Variants in CFH observed in about 807,000 individuals in gnomAD.
CFH encodes the protein complement factor H.
A neutral mutation model predicts 147.3 loss-of-function variants in CFH; 53 were observed. The ratio of observed to expected loss-of-function variants is 0.36; its 90% CI spans 0.29 to 0.45. The LOEUF is 0.45. Ranked by LOEUF, CFH falls within the 20% of genes least tolerant of loss-of-function variation. The pLI is 1.00. For missense variants in CFH, 1,380 were observed against 1,498.0 expected (o/e 0.92, Z 1.30); for synonymous variants, 536 against 489.4 (o/e 1.10, Z -1.26).
intron 9 of CFH, among the ~76,000 whole-genome samples, chr1:196,705,176 A>G (rs1408748694): frequency 6.7e-6 from 1 of 148,640 alleles, no homozygotes; most frequent in Non-Finnish European, 1.5e-5. Context: ...TGGCAAATTG[A>G]CCAGAATATT....
intron 1 of CFH, among the ~76,000 whole-genome samples, chr1:196,658,744 A>AT (rs1558148818): frequency 1.3e-5 from 2 of 151,596 alleles, no homozygotes; most frequent in Admixed American, 1.3e-4. Context: ...AATTTTTAAA[A>AT]TTTTTTGTAG....
chr1:196,681,104 C>T (rs1483993710), intron 6 of CFH, among the ~76,000 whole-genome samples: 1 of 151,756 alleles, frequency 6.6e-6, no homozygotes, highest in African/African-American at 2.4e-5. Context: ...TATATTATTT[C>T]CAGAGCCCCT....
intron 9 of CFH, among the ~76,000 whole-genome samples, chr1:196,701,891 C>T (rs1434673650): frequency 1.3e-5 from 2 of 152,082 alleles, no homozygotes; most frequent in Non-Finnish European, 2.9e-5. Flanking sequence ...ATGGCTTAAC[C>T]TTAATACCCA....
At chr1:196,710,384 A>G (rs1422613594) in intron 9 of CFH, among the ~76,000 whole-genome samples, 1 of 152,180 alleles carries the variant, frequency 6.6e-6, no homozygotes, top group Non-Finnish European at 1.5e-5. Flanking sequence ...ATAACAAAAT[A>G]GAATAGAAGC....
At position 196,679,473 on chromosome 1, in the gene CFH, A is replaced by T. The variant is rs541518410; in HGVS notation, c.620-150A>T. On this transcript the variant is annotated intron_variant, in intron 5 of 21. Transcript: ENST00000367429. ...AATTTTAACTTTCTTCAGATAAATC[A>T]TTTATTAAGCGGTCAAGTCAAAACA... 798 of 554,526 alleles carry T rather than the reference A, an allele frequency of 1.4e-3. 1 individual carries two copies. The highest frequency in any genetic ancestry group is 2.5e-3 in the Middle Eastern group (5 of 2,034). 34.4% of individuals were successfully genotyped at this position (554,526 alleles called of 1,614,324 possible). A position where few individuals can be genotyped will look rare whatever the true frequency, so the allele number is the denominator to read the frequency against.
At chr1:196,727,015 AT>A in intron 14 of CFH, 75 bp downstream of exon 14, 1 of 1,377,814 alleles carries the variant, frequency 7.3e-7, no homozygotes, top group Non-Finnish European at 1.0e-6. Context: ...TTGCAACTAT[AT>A]TTTTGAAATT....
chr1:196,673,540 G>T, intron 2 of CFH: 1 of 379,724 alleles, frequency 2.6e-6, no homozygotes, highest in Non-Finnish European at 4.9e-6. Context: ...TTTCACCAAT[G>T]CTGGGCAGGC....
chr1:196,680,476 C>A (rs1331517853), intron 6 of CFH, among the ~76,000 whole-genome samples: 1 of 151,740 alleles, frequency 6.6e-6, no homozygotes, highest in Non-Finnish European at 1.5e-5. Flanking sequence ...ACTATCATGG[C>A]CAAGAAGAGA....
intron 7 of CFH, among the ~76,000 whole-genome samples, chr1:196,688,568 T>C (rs1667905867): frequency 6.6e-6 from 1 of 152,136 alleles, no homozygotes; most frequent in Non-Finnish European, 1.5e-5. Context: ...TCTATATTTT[T>C]ACGTTGTCTG....
At position 196,743,526 on chromosome 1, in the gene CFH, G is replaced by T; in HGVS notation, c.3208G>T (p.Gly1070Cys). 1 of 1,614,020 alleles carries T rather than the reference G, an allele frequency of 6.2e-7. No individual in the cohort carries two copies. Among genetic ancestry groups the T allele is most frequent in the Non-Finnish European group, 8.5e-7 (1 of 1,179,936 alleles). Residue 1070 changes from glycine to cysteine, a missense_variant, in exon 20 of 22, where the codon GGT becomes TGT. By Grantham distance (159) the Gly-to-Cys change is radical. Coordinates refer to ENST00000367429, the MANE Select transcript of CFH (RefSeq NM_000186.4). ...VSRQMSKYPS[G>C]ERVRYQCRSP... ...GAGACAGATGAGTAAATATCCATCT[G>T]GTGAGAGAGTACGTTATCAATGTAG...
chr1:196,692,876 C>CACCT (rs1425200451), intron 9 of CFH, among the ~76,000 whole-genome samples: 2 of 26,390 alleles, frequency 7.6e-5, no homozygotes, highest in African/African-American at 2.8e-4. Context: ...CTCCCTCTGT[C>CACCT]ACCTCCCTCC....
intron 1 of CFH, among the ~76,000 whole-genome samples, chr1:196,668,252 T>C (rs1667163420): frequency 6.6e-6 from 1 of 152,194 alleles, no homozygotes; most frequent in African/African-American, 2.4e-5. Context: ...GAGTCTGCTC[T>C]TGTTGAATTC....
intron 4 of CFH, among the ~76,000 whole-genome samples, chr1:196,676,461 C>A (rs990248407): frequency 6.6e-6 from 1 of 151,974 alleles, no homozygotes; most frequent in Non-Finnish European, 1.5e-5. Context: ...AAGTGGAGAA[C>A]GTGATTGAGA....
chr1:196,716,221 G>A (rs1310436122), intron 11 of CFH, among the ~76,000 whole-genome samples: 11 of 151,828 alleles, frequency 7.2e-5, no homozygotes, highest in Non-Finnish European at 2.9e-5. Context: ...TCTCATTTAC[G>A]TTTCTCAATC....
At chr1:196,677,771 A>G (rs996425279) in intron 5 of CFH, 104 bp downstream of exon 5, 27 of 1,084,096 alleles carry the variant, frequency 2.5e-5, no homozygotes, top group Middle Eastern at 2.2e-4. Flanking sequence ...ACAATAGCTA[A>G]TGTTTATTGA....
At chr1:196,719,587 T>A (rs1338146562) in intron 11 of CFH, among the ~76,000 whole-genome samples, 2 of 151,916 alleles carry the variant, frequency 1.3e-5, no homozygotes, top group African/African-American at 2.4e-5. Flanking sequence ...AATTTTCTTT[T>A]TAGTATGATT....
At chr1:196,684,758 A>C (rs1237286214) in intron 6 of CFH, among the ~76,000 whole-genome samples, 2 of 152,074 alleles carry the variant, frequency 1.3e-5, no homozygotes, top group Non-Finnish European at 2.9e-5. Context: ...ATAGAAGGAA[A>C]GTGAAAGTAA....
chr1:196,741,707 T>C, intron 18 of CFH, 168 bp from the exon 19 acceptor site: 2 of 618,914 alleles, frequency 3.2e-6, no homozygotes, highest in South Asian at 4.1e-5. Context: ...TTTAGAAGAA[T>C]TTAATGTAAT....
chr1:196,745,969 G>C lies in CFH; in HGVS notation c.3463G>C (p.Gly1155Arg). The change falls in exon 21 of 22, where the codon GGA becomes CGA. Residue 1155 changes from glycine (G) to arginine (R), a missense_variant. By Grantham distance (125) the Gly-to-Arg change is moderately radical. Coordinates refer to ENST00000367429, the MANE Select transcript of CFH (RefSeq NM_000186.4). ...TAACAAGCGAATAACATGTAGAAAT[G>C]GACAATGGTCAGAACCACCAAAATG... ...EGNKRITCRN[G>R]QWSEPPKCLH... The C allele has an allele frequency of 6.2e-7, 1 of 1,614,044 alleles. No individual in the cohort carries two copies. The highest frequency in any genetic ancestry group is 8.5e-7 in the Non-Finnish European group (1 of 1,180,002).
Sources: allele counts gnomAD v4.1 joint callset (sites outside exome capture counted in the v4.1 genomes callset), GRCh38; gene constraint gnomAD v4.1.1; transcripts MANE v1.5; gene names NCBI Gene and HGNC (gene_info 2026-07-23, HGNC 2026-07-21).